DRD2: variants seen among roughly 807,000 people sequenced by gnomAD.
DRD2 encodes the protein dopamine receptor D2, also known as D(2) dopamine receptor.
Under a neutral mutation model 38.0 loss-of-function variants are expected in DRD2, and 8 were observed. The observed-to-expected ratio is 0.21, with a 90% CI of 0.12 to 0.38. The LOEUF is 0.38. DRD2 is among the 10% of genes least tolerant of loss of function. The pLI is 1.00. For missense variants in DRD2, 403 were observed against 607.7 expected (o/e 0.66, Z 3.54); for synonymous variants, 230 against 238.6 (o/e 0.96, Z 0.33).
intron 1 of DRD2, chr11:113,450,016 C>A (rs886874881): frequency 2.6e-5 from 4 of 154,238 alleles, no homozygotes; most frequent in Non-Finnish European, 4.4e-5. Flanking sequence ...CACTTATTCC[C>A]AGCATCCAGA....
At chr11:113,455,171 A>AC (rs1364374847) in intron 1 of DRD2, among the ~76,000 whole-genome samples, 10 of 151,948 alleles carry the variant, frequency 6.6e-5, no homozygotes, top group African/African-American at 2.2e-4. Context: ...ACATGGTGAG[A>AC]CCCCGTCTCT....
chr11:113,471,347 T>C (rs1193739948), intron 1 of DRD2, among the ~76,000 whole-genome samples: 1 of 152,244 alleles, frequency 6.6e-6, no homozygotes, highest in African/African-American at 2.4e-5. Flanking sequence ...AACATTAGTC[T>C]ACTGCTCAAA....
At chr11:113,442,105 T>C (rs1951100351) in intron 1 of DRD2, among the ~76,000 whole-genome samples, 1 of 152,180 alleles carries the variant, frequency 6.6e-6, no homozygotes, top group South Asian at 2.1e-4. Context: ...AGCATGGGTG[T>C]AGGGGCATAG....
Position 113,467,562 on chromosome 11 carries a change from A to G in DRD2, c.-32+7514T>C, listed in dbSNP as rs183196599. On this transcript the variant is annotated intron_variant, in intron 1 of 7. Coordinates refer to ENST00000362072, the MANE Select transcript of DRD2 (RefSeq NM_000795.4). ...CCCTTTCAATCTGGGAAAAGAAAAA[A>G]AGTCACCTTGTCCTTGTACACCAGT... Among the ~76,000 whole-genome samples the G allele has an allele frequency of 9.5e-4, 145 of 152,294 alleles. 1 individual carries two copies. The highest frequency in any genetic ancestry group is 3.5e-3 in the African/African-American group (144 of 41,564).
chr11:113,445,991 T>A (rs190285133), intron 1 of DRD2, among the ~76,000 whole-genome samples: 1 of 152,240 alleles, frequency 6.6e-6, no homozygotes, highest in East Asian at 1.9e-4. Context: ...GGGGCCTGGG[T>A]CCGTGAGTTC....
intron 1 of DRD2, among the ~76,000 whole-genome samples, chr11:113,436,122 T>C (rs1303830333): frequency 6.6e-6 from 1 of 152,142 alleles, no homozygotes; most frequent in Non-Finnish European, 1.5e-5. Context: ...GCAAAGGCGA[T>C]GGGAGGCCTT....
intron 1 of DRD2, among the ~76,000 whole-genome samples, chr11:113,439,885 A>C: frequency 6.9e-6 from 1 of 145,588 alleles, no homozygotes; most frequent in African/African-American, 2.5e-5. Flanking sequence ...GCTAAGAGTA[A>C]GACCAGGAAA....
At chr11:113,450,844 A>G (rs1443974501) in intron 1 of DRD2, among the ~76,000 whole-genome samples, 2 of 152,204 alleles carry the variant, frequency 1.3e-5, no homozygotes, top group African/African-American at 4.8e-5. Context: ...AGCTTTCTCC[A>G]AACGGACCAC....
intron 1 of DRD2, among the ~76,000 whole-genome samples, chr11:113,454,470 T>A (rs1276291586): frequency 3.9e-5 from 6 of 152,212 alleles, no homozygotes; most frequent in Non-Finnish European, 5.9e-5. Flanking sequence ...TAAACTCATC[T>A]GATTCCAAAG....
At chr11:113,421,103 A>G (rs1223674827) in intron 2 of DRD2, among the ~76,000 whole-genome samples, 3 of 152,142 alleles carry the variant, frequency 2.0e-5, no homozygotes, top group Non-Finnish European at 4.4e-5. Context: ...CCTCTCCTCC[A>G]TACCTCCAGC....
intron 1 of DRD2, among the ~76,000 whole-genome samples, chr11:113,455,392 G>A (rs920300305): frequency 3.3e-5 from 5 of 151,868 alleles, no homozygotes; most frequent in Non-Finnish European, 7.4e-5. Flanking sequence ...AAAAGATGTC[G>A]ATTTGGCAAT....
intron 1 of DRD2, among the ~76,000 whole-genome samples, chr11:113,436,538 G>A (rs150088950): frequency 2.0e-5 from 3 of 151,976 alleles, no homozygotes; most frequent in African/African-American, 7.3e-5. Flanking sequence ...AATTTTTTTA[G>A]AGTCCTTATC....
chr11:113,411,292 C>T (rs1033555943), intron 7 of DRD2, among the ~76,000 whole-genome samples: 2 of 152,168 alleles, frequency 1.3e-5, no homozygotes, highest in Admixed American at 1.3e-4. Context: ...GTTCTTATAG[C>T]ATCCTCATAA....
intron 1 of DRD2, among the ~76,000 whole-genome samples, chr11:113,458,986 C>A (rs989980881): frequency 1.3e-5 from 2 of 152,112 alleles, no homozygotes; most frequent in Non-Finnish European, 2.9e-5. Context: ...ATAAACCTAG[C>A]ATATGTAGAA....
chr11:113,417,299 T>C (rs1315767347), intron 3 of DRD2, among the ~76,000 whole-genome samples: 4 of 152,222 alleles, frequency 2.6e-5, no homozygotes, highest in Non-Finnish European at 5.9e-5. Flanking sequence ...GCCTGCATCT[T>C]TGCACTTTTG....
In DRD2 at chr11:113,423,432, C is replaced by T. The variant is rs183631369; in HGVS notation, c.285+935G>A. 2.5e-3 allele frequency among the ~76,000 whole-genome samples: 380 copies of T among 152,282 alleles called. 1 individual carries two copies. The highest frequency in any genetic ancestry group is 4.2e-3 in the Admixed American group (64 of 15,306). ...CTGGGATTACAGGCATATGCCACCA[C>T]ACCTGGCTAATTGTTGCATTTTTAG... On this transcript the variant is annotated intron_variant, in intron 2 of 7. Transcript: ENST00000362072.
intron 1 of DRD2, among the ~76,000 whole-genome samples, chr11:113,464,192 G>T (rs1160875455): frequency 6.6e-6 from 1 of 152,164 alleles, no homozygotes; most frequent in African/African-American, 2.4e-5. Flanking sequence ...GAGCCACGGA[G>T]GGAGCGGAAG....
At chr11:113,434,434 G>A (rs1951017506) in intron 1 of DRD2, among the ~76,000 whole-genome samples, 1 of 152,212 alleles carries the variant, frequency 6.6e-6, no homozygotes, top group African/African-American at 2.4e-5. Context: ...GGGTACAATA[G>A]CCTCTTCTGA....
At position 113,458,791 on chromosome 11, in the gene DRD2, T is replaced by C. The variant is rs186016922; in HGVS notation, c.-32+16285A>G. On this transcript the variant is annotated intron_variant, in intron 1 of 7. Coordinates refer to ENST00000362072, the MANE Select transcript of DRD2 (RefSeq NM_000795.4). ...CAAGTTCTAAAATTTTGGAATATAT[T>C]CATTCCTTTATTTGTACATCCTCTT... Among the ~76,000 whole-genome samples the C allele has an allele frequency of 4.9e-3, 749 of 152,338 alleles. 6 individuals are homozygous for C. Among genetic ancestry groups the C allele is most frequent in the Admixed American group, 9.2e-3 (141 of 15,296 alleles).
Sources: allele counts gnomAD v4.1 joint callset (sites outside exome capture counted in the v4.1 genomes callset), GRCh38; gene constraint gnomAD v4.1.1; transcripts MANE v1.5; gene names NCBI Gene and HGNC (gene_info 2026-07-23, HGNC 2026-07-21).